The following TCF12 variants were observed in gnomAD, a reference collection of about 807,000 sequenced individuals.
TCF12 encodes DNA-binding protein HTF4.
Under a neutral mutation model 86.0 loss-of-function variants are expected in TCF12, and 45 were observed. The observed-to-expected ratio is 0.52, with a 90% CI of 0.41 to 0.67. The LOEUF (loss-of-function observed/expected upper bound fraction) is 0.67. TCF12 is among the 30% of genes least tolerant of loss of function. The pLI, the probability that TCF12 is intolerant of heterozygous loss-of-function variation, is 0.00. For synonymous variants in TCF12, 330 were observed against 299.6 expected (o/e 1.10, Z -1.05); for missense variants, 881 against 859.9 (o/e 1.02, Z -0.31).
chr15:57,109,309 A>C (rs1336999539), intron 5 of TCF12: 1 of 152,148 alleles, frequency 6.6e-6, no homozygotes, highest in Non-Finnish European at 1.5e-5. Context: ...GATGTCAGCT[A>C]TTGTAAAGGT....
chr15:56,959,059 C>T (rs1642927), intron 3 of TCF12, among the ~76,000 whole-genome samples: 38,537 of 151,858 alleles, frequency 0.25, 5,059 homozygotes, highest in East Asian at 0.48. Context: ...TTTTTGTTTA[C>T]TTCTGGTGGC....
At chr15:57,203,679 A>T (rs1377008530) in intron 8 of TCF12, among the ~76,000 whole-genome samples, 8 of 152,194 alleles carry the variant, frequency 5.3e-5, no homozygotes, top group Admixed American at 3.3e-4. Context: ...TAAAGAGTGT[A>T]TGTATATATT....
In TCF12 at chr15:56,921,087, T is replaced by C; in HGVS notation, c.137T>C (p.Phe46Ser). 3 of 1,608,998 alleles carry C rather than the reference T, an allele frequency of 1.9e-6. No individual in the cohort carries two copies. Among genetic ancestry groups the C allele is most frequent in the Non-Finnish European group, 1.7e-6 (2 of 1,177,280 alleles). Residue 46 changes from phenylalanine to serine, a missense_variant, in exon 3 of 21, where the codon TTC becomes TCC. By Grantham distance (155) the Phe-to-Ser change is radical. Transcript: ENST00000333725. Reference protein sequence around the residue: ...TRPTTLGSSQFSGSGIDERGG... With the variant: ...TRPTTLGSSQSSGSGIDERGG... The stretch of plus-strand genomic sequence containing the variant: ...CCAACTACACTGGGAAGCAGTCAAT[T>C]CAGTGGATCAGGTAAGATGATGTCT...
At position 57,190,489 on chromosome 15, in the gene TCF12, G is replaced by A. The variant is rs554705712; in HGVS notation, c.391-1669G>A. On this transcript the variant is annotated intron_variant, in intron 6 of 20. Coordinates refer to ENST00000333725, the MANE Select transcript of TCF12 (RefSeq NM_207037.2). ...GTATTAAATATATGATGGGGGATTC[G>A]TAAATGTACCAGAGGAATCACAGTT... Among the ~76,000 whole-genome samples, 8 of 152,192 alleles carry A rather than the reference G, an allele frequency of 5.3e-5. No individual in the cohort carries two copies. In the South Asian group the frequency reaches 6.2e-4, roughly 12 times the overall value.
intron 5 of TCF12, among the ~76,000 whole-genome samples, chr15:57,131,351 T>C (rs1472905374): frequency 2.6e-5 from 4 of 152,216 alleles, no homozygotes; most frequent in Admixed American, 2.6e-4. Flanking sequence ...GCTCAACCTA[T>C]GTGTTAGTTA....
intron 3 of TCF12, among the ~76,000 whole-genome samples, chr15:56,935,768 T>A (rs62025330): frequency 0.012 from 1,841 of 152,312 alleles, 13 homozygotes; most frequent in Non-Finnish European, 0.017. Flanking sequence ...AGGACAATAG[T>A]CTCCAGTTCC....
chr15:57,004,146 A>G (rs1190725337), intron 3 of TCF12, among the ~76,000 whole-genome samples: 2 of 152,022 alleles, frequency 1.3e-5, no homozygotes, highest in African/African-American at 4.8e-5. Flanking sequence ...TAGCTGTATA[A>G]TTATTCTCTT....
At chr15:57,032,484 G>A (rs1239652935) in intron 3 of TCF12, among the ~76,000 whole-genome samples, 9 of 152,122 alleles carry the variant, frequency 5.9e-5, no homozygotes, top group African/African-American at 1.9e-4. Context: ...GCTGGAGTGC[G>A]CTGGCACAAT....
intron 4 of TCF12, among the ~76,000 whole-genome samples, chr15:57,077,601 AT>A (rs1255595703): frequency 2.1e-4 from 31 of 147,474 alleles, no homozygotes; most frequent in Admixed American, 4.1e-4. Flanking sequence ...TAATTTGTAT[AT>A]TTTTTTTTTA....
At chr15:57,023,677 A>C (rs1156481616) in intron 3 of TCF12, among the ~76,000 whole-genome samples, 1 of 152,178 alleles carries the variant, frequency 6.6e-6, no homozygotes, top group East Asian at 1.9e-4. Context: ...TTGCTATTGA[A>C]TTAGGTGTAA....
At chr15:57,274,327 T>G (rs967549641) in intron 19 of TCF12, among the ~76,000 whole-genome samples, 2 of 152,190 alleles carry the variant, frequency 1.3e-5, no homozygotes, top group Non-Finnish European at 2.9e-5. Flanking sequence ...TTCATCCACT[T>G]CCCTCCAATA....
chr15:57,189,733 A>C lies in TCF12; in HGVS notation c.391-2425A>C, dbSNP rs138338494. ...CATATGACCCAGCAATTCCACTGCT[A>C]GTTATATACCCAAAAGAATTGAAAA... On this transcript the variant is annotated intron_variant, in intron 6 of 20. Coordinates refer to ENST00000333725, the MANE Select transcript of TCF12 (RefSeq NM_207037.2). 8.2e-3 allele frequency among the ~76,000 whole-genome samples: 1,245 copies of C among 152,334 alleles called. 11 individuals carry two copies. The highest frequency in any genetic ancestry group is 0.014 in the Non-Finnish European group (943 of 68,026).
At chr15:57,243,586 A>ACTACTTGG in intron 13 of TCF12, 36 bp downstream of exon 13, 4 of 1,497,808 alleles carry the variant, frequency 2.7e-6, no homozygotes, top group Non-Finnish European at 3.7e-6. Flanking sequence ...AACTGGTGGG[A>ACTACTTGG]CTACTTGGAA....
intron 3 of TCF12, among the ~76,000 whole-genome samples, chr15:57,055,135 T>C (rs1359932770): frequency 6.6e-6 from 1 of 152,122 alleles, no homozygotes; most frequent in Non-Finnish European, 1.5e-5. Context: ...GTGCGTTGGA[T>C]CACACCTGTA....
intron 4 of TCF12, among the ~76,000 whole-genome samples, chr15:57,071,996 A>G (rs117397070): frequency 3.8e-4 from 58 of 152,206 alleles, no homozygotes; most frequent in Admixed American, 1.3e-4. Flanking sequence ...AATGTTATCT[A>G]TTCTTTGGGA....
chr15:57,275,510 T>C (rs2061364231), intron 19 of TCF12, among the ~76,000 whole-genome samples: 1 of 151,394 alleles, frequency 6.6e-6, no homozygotes, highest in Non-Finnish European at 1.5e-5. Flanking sequence ...GAACCCTTCA[T>C]ACAGGCCACA....
At chr15:57,029,396 C>T (rs928528292) in intron 3 of TCF12, among the ~76,000 whole-genome samples, 1 of 152,148 alleles carries the variant, frequency 6.6e-6, no homozygotes. Context: ...TATTCTGAGC[C>T]TTCGTACTTC....
chr15:57,058,429 G>T (rs1426250288), intron 3 of TCF12, among the ~76,000 whole-genome samples: 1 of 152,024 alleles, frequency 6.6e-6, no homozygotes, highest in Non-Finnish European at 1.5e-5. Context: ...TTACCTTATT[G>T]TACTGTACTG....
chr15:57,192,569 G>A (rs1322602371), intron 7 of TCF12, among the ~76,000 whole-genome samples: 3 of 151,814 alleles, frequency 2.0e-5, no homozygotes, highest in African/African-American at 7.3e-5. Context: ...TTTATTTTTT[G>A]TAGAGACAGG....
Sources: allele counts gnomAD v4.1 joint callset (sites outside exome capture counted in the v4.1 genomes callset), GRCh38; gene constraint gnomAD v4.1.1; transcripts MANE v1.5; gene names NCBI Gene and HGNC (gene_info 2026-07-23, HGNC 2026-07-21).